PRKN: variants seen among roughly 807,000 people sequenced by gnomAD.
PRKN encodes the protein E3 ubiquitin-protein ligase parkin.
Under a neutral mutation model 59.5 loss-of-function variants are expected in PRKN, and 56 were observed. That is an observed-to-expected ratio of 0.94 (90% CI 0.76 to 1.18). The LOEUF is 1.18. Among genes scored for constraint, PRKN ranks in the 50% most tolerant of loss-of-function variants. The pLI, the probability that PRKN is intolerant of heterozygous loss-of-function variation, is 0.00. For missense variants in PRKN, 657 were observed against 596.4 expected, an observed-to-expected ratio of 1.10 and a Z score of -1.06; for synonymous variants, 250 against 222.1, an observed-to-expected ratio of 1.13 and a Z score of -1.12.
intron 6 of PRKN, among the ~76,000 whole-genome samples, chr6:161,817,058 T>C (rs1791815249): frequency 6.6e-6 from 1 of 152,144 alleles, no homozygotes. Flanking sequence ...GTTATTCTAA[T>C]TTGTGCTTCG....
At chr6:161,536,534 T>C (rs1290343652) in intron 9 of PRKN, among the ~76,000 whole-genome samples, 1 of 152,182 alleles carries the variant, frequency 6.6e-6, no homozygotes, top group Non-Finnish European at 1.5e-5. Flanking sequence ...ATTCTAACCA[T>C]GACCTGATAG....
intron 3 of PRKN, among the ~76,000 whole-genome samples, chr6:162,259,372 G>A (rs888718367): frequency 6.6e-6 from 1 of 152,178 alleles, no homozygotes; most frequent in African/African-American, 2.4e-5. Context: ...AGTATGGTCA[G>A]TACCAACATT....
At chr6:162,020,618 T>C (rs1198835397) in intron 5 of PRKN, among the ~76,000 whole-genome samples, 3 of 152,160 alleles carry the variant, frequency 2.0e-5, no homozygotes. Flanking sequence ...CAGCATCTAC[T>C]AACTCGAGAA....
chr6:161,397,964 GA>G lies in PRKN; in HGVS notation c.1084-11088del, dbSNP rs1786844736. Among the ~76,000 whole-genome samples the G allele has an allele frequency of 6.6e-6, 1 of 152,152 alleles. No homozygotes were observed. The highest frequency in any genetic ancestry group is 2.4e-5 in the African/African-American group (1 of 41,422). On this transcript the variant is annotated intron_variant, in intron 9 of 11. Coordinates refer to ENST00000366898, the MANE Select transcript of PRKN (RefSeq NM_004562.3). This position sits in a 1 kb window ranked among gnomAD's most constrained non-coding sequence, Gnocchi z 4.2. ...ACAACAGAGAGCTCTGAATCAGTTT[GA>G]AAACAGCAAAAGATGATGAAAAGAG...
At chr6:162,382,337 T>G (rs147563525) in intron 2 of PRKN, among the ~76,000 whole-genome samples, 99 of 152,262 alleles carry the variant, frequency 6.5e-4, no homozygotes, top group African/African-American at 2.3e-3. Context: ...GAGGAACATG[T>G]ACAGGCATAC....
intron 1 of PRKN, among the ~76,000 whole-genome samples, chr6:162,699,033 C>T (rs995028022): frequency 1.3e-5 from 2 of 152,164 alleles, no homozygotes; most frequent in Non-Finnish European, 2.9e-5. Flanking sequence ...TGTTAAATTA[C>T]TGCCATGTGT....
intron 7 of PRKN, among the ~76,000 whole-genome samples, chr6:161,655,762 A>G (rs17654202): frequency 0.36 from 55,346 of 152,018 alleles, 10,342 homozygotes; most frequent in African/African-American, 0.39. Flanking sequence ...GCTGAGAGAA[A>G]TTGGCAGCTT....
chr6:161,360,897 T>A lies in PRKN; in HGVS notation c.1168-692A>T, dbSNP rs186461969. On this transcript the variant is annotated intron_variant, in intron 10 of 11. Transcript: ENST00000366898. The surrounding 1 kb of genome is among the most constrained non-coding windows in gnomAD (Gnocchi z 5.1). ...ATTCCCTAAGCTCTCTGACAGTCTT[T>A]ATCTCTCAGATGAAACACCTTGTGC... Among the ~76,000 whole-genome samples the A allele has an allele frequency of 1.1e-3, 161 of 152,316 alleles. No individual in the cohort carries two copies. The highest frequency in any genetic ancestry group is 1.9e-3 in the Non-Finnish European group (127 of 68,022).
chr6:162,556,933 G>A (rs879468972), intron 1 of PRKN, among the ~76,000 whole-genome samples: 1 of 152,006 alleles, frequency 6.6e-6, no homozygotes, highest in Non-Finnish European at 1.5e-5. Context: ...AAAGGAAACT[G>A]AGCACCTGCC....
At chr6:162,150,219 G>A (rs1181287552) in intron 4 of PRKN, among the ~76,000 whole-genome samples, 2 of 152,196 alleles carry the variant, frequency 1.3e-5, no homozygotes, top group Non-Finnish European at 2.9e-5. Context: ...GACAACAACA[G>A]TGAAAAGGAT....
At chr6:162,686,592 AC>A in intron 1 of PRKN, among the ~76,000 whole-genome samples, 1 of 152,272 alleles carries the variant, frequency 6.6e-6, no homozygotes, top group Admixed American at 6.5e-5. Flanking sequence ...ATCAGAATAA[AC>A]AAATATTGGC....
intron 6 of PRKN, among the ~76,000 whole-genome samples, chr6:161,852,555 G>A (rs974658328): frequency 5.9e-5 from 9 of 152,116 alleles, no homozygotes; most frequent in African/African-American, 2.2e-4. Flanking sequence ...GGATTTCAAG[G>A]TAGAAGCTCA....
intron 5 of PRKN, among the ~76,000 whole-genome samples, chr6:162,045,761 A>T (rs1784226878): frequency 6.6e-6 from 1 of 152,182 alleles, no homozygotes; most frequent in Non-Finnish European, 1.5e-5. Flanking sequence ...AAGGACTAGG[A>T]GGGCTGTTTC....
chr6:161,742,643 T>C (rs951556956), intron 7 of PRKN, among the ~76,000 whole-genome samples: 1 of 152,204 alleles, frequency 6.6e-6, no homozygotes, highest in Non-Finnish European at 1.5e-5. Context: ...TGTCCACAGT[T>C]ATTGCCTTGC....
rs774043795 is a variant in PRKN at position 161,483,208 on chromosome 6, G to A, written c.1083+65646C>T. 6.6e-6 allele frequency among the ~76,000 whole-genome samples: 1 copy of A among 150,584 alleles called. No homozygotes were observed. The highest frequency in any genetic ancestry group is 1.5e-5 in the Non-Finnish European group (1 of 67,872). ...AAAAAAAAACATGCATTGTTAATGA[G>A]ACTTCGCCAGAGATGCTTAGAGTTA... On this transcript the variant is annotated intron_variant, in intron 9 of 11. Coordinates refer to ENST00000366898, the MANE Select transcript of PRKN (RefSeq NM_004562.3). The surrounding 1 kb of genome is among the most constrained non-coding windows in gnomAD (Gnocchi z 5.0).
intron 4 of PRKN, among the ~76,000 whole-genome samples, chr6:162,120,753 A>AAC (rs1780878752): frequency 6.6e-6 from 1 of 152,198 alleles, no homozygotes; most frequent in South Asian, 2.1e-4. Flanking sequence ...AGGCTTCTAA[A>AAC]ATATGACCTT....
At position 162,660,599 on chromosome 6, in the gene PRKN, A is replaced by C. The variant is rs568744198; in HGVS notation, c.7+67063T>G. ...ACCTCTGAGACAGTGTTCAATTTGC[A>C]TTCTAATTATTTATCTACTTGTTTG... is the stretch of plus-strand genomic sequence containing the variant. On this transcript the variant is annotated intron_variant, in intron 1 of 11. Coordinates refer to ENST00000366898, the MANE Select transcript of PRKN (RefSeq NM_004562.3). 2.0e-5 allele frequency among the ~76,000 whole-genome samples: 3 copies of C among 152,222 alleles called. 1 individual carries two copies. In the South Asian group the frequency reaches 6.2e-4, roughly 32 times the overall value.
chr6:161,999,861 A>G (rs1281872432), intron 5 of PRKN, among the ~76,000 whole-genome samples: 1 of 152,150 alleles, frequency 6.6e-6, no homozygotes, highest in Non-Finnish European at 1.5e-5. Context: ...AATAACAATA[A>G]TAATAAATGA....
At chr6:161,677,140 T>C (rs1785116901) in intron 7 of PRKN, among the ~76,000 whole-genome samples, 1 of 152,222 alleles carries the variant, frequency 6.6e-6, no homozygotes, top group Non-Finnish European at 1.5e-5. Flanking sequence ...GATAAAAAGA[T>C]GTAAACAGAT....
Sources: allele counts gnomAD v4.1 joint callset (sites outside exome capture counted in the v4.1 genomes callset), GRCh38; gene constraint gnomAD v4.1.1; non-coding constraint Gnocchi (gnomAD v3.1); transcripts MANE v1.5; gene names NCBI Gene and HGNC (gene_info 2026-07-23, HGNC 2026-07-21).